Variants in LARP1B observed in about 807,000 individuals in gnomAD.
The protein encoded by LARP1B is La ribonucleoprotein 1B.
Under a neutral mutation model 114.2 loss-of-function variants are expected in LARP1B, and 76 were observed. The ratio of observed to expected loss-of-function variants is 0.67; its 90% CI spans 0.55 to 0.81. LARP1B has a LOEUF of 0.81. Ranked by LOEUF, LARP1B falls within the 30% of genes least tolerant of loss-of-function variation. LARP1B has a pLI of 0.00. For synonymous variants in LARP1B, 345 were observed against 348.0 expected (o/e 0.99, Z 0.10); for missense variants, 1,014 against 1,075.8 (o/e 0.94, Z 0.80).
chr4:128,127,198 G>T (rs747484956), intron 11 of LARP1B, among the ~76,000 whole-genome samples: 3 of 150,382 alleles, frequency 2.0e-5, no homozygotes, highest in Non-Finnish European at 4.4e-5. Flanking sequence ...TCTCATGAAA[G>T]AAAGTCCCAA....
At chr4:128,115,839 G>A (rs1396307335) in intron 10 of LARP1B, among the ~76,000 whole-genome samples, 2 of 151,956 alleles carry the variant, frequency 1.3e-5, no homozygotes, top group South Asian at 4.2e-4. Flanking sequence ...GTGTGTTTCT[G>A]GTAGAGACGG....
chr4:128,106,321 A>C (rs1207381569), intron 8 of LARP1B, among the ~76,000 whole-genome samples: 1 of 152,158 alleles, frequency 6.6e-6, no homozygotes, highest in African/African-American at 2.4e-5. Context: ...TGGCCCGGTT[A>C]ATGTTCTTAA....
chr4:128,186,491 T>G (rs1750410541), intron 15 of LARP1B, among the ~76,000 whole-genome samples: 1 of 152,206 alleles, frequency 6.6e-6, no homozygotes, highest in African/African-American at 2.4e-5. Flanking sequence ...TTTTTTTGTA[T>G]ATTGATTTTG....
chr4:128,150,909 C>T (rs1732509138), intron 11 of LARP1B, among the ~76,000 whole-genome samples: 1 of 152,172 alleles, frequency 6.6e-6, no homozygotes, highest in African/African-American at 2.4e-5. Flanking sequence ...GCTTAAGCTT[C>T]TTCTTTCTAG....
intron 11 of LARP1B, among the ~76,000 whole-genome samples, chr4:128,152,742 C>T (rs1043797297): frequency 1.2e-4 from 18 of 151,460 alleles, no homozygotes; most frequent in Non-Finnish European, 8.8e-5. Flanking sequence ...CCATTCTTGT[C>T]CTCATTCATT....
At chr4:128,118,775 G>A (rs1031307943) in intron 10 of LARP1B, among the ~76,000 whole-genome samples, 3 of 150,208 alleles carry the variant, frequency 2.0e-5, no homozygotes, top group Admixed American at 6.7e-5. Context: ...GCGATTTTTG[G>A]TTGATAGTTC....
chr4:128,166,013 A>G (rs144533768), intron 12 of LARP1B, among the ~76,000 whole-genome samples: 1 of 152,214 alleles, frequency 6.6e-6, no homozygotes, highest in East Asian at 1.9e-4. Flanking sequence ...ATGAGTATCA[A>G]ATTAATATGT....
chr4:128,087,902 CTTTT>C (rs902400108), intron 5 of LARP1B, among the ~76,000 whole-genome samples: 10 of 151,648 alleles, frequency 6.6e-5, no homozygotes, highest in African/African-American at 2.4e-4. Flanking sequence ...GAAAAATTGA[CTTTT>C]TTTCTATTGT....
intron 12 of LARP1B, among the ~76,000 whole-genome samples, chr4:128,168,294 A>T (rs945301142): frequency 2.6e-5 from 4 of 151,738 alleles, no homozygotes; most frequent in Admixed American, 6.6e-5. Context: ...TTTTTAAAAA[A>T]TTTTGCCCAT....
intron 11 of LARP1B, among the ~76,000 whole-genome samples, chr4:128,125,272 C>T (rs1789188171): frequency 6.6e-6 from 1 of 152,152 alleles, no homozygotes; most frequent in Non-Finnish European, 1.5e-5. Context: ...TTCCTTTTCC[C>T]ATTTAATTGG....
chr4:128,068,811 A>G (rs575334096), intron 1 of LARP1B, among the ~76,000 whole-genome samples: 1 of 152,084 alleles, frequency 6.6e-6, no homozygotes, highest in Admixed American at 6.6e-5. Flanking sequence ...GATAAAGCAA[A>G]GACAAAAAAG....
chr4:128,098,783 T>A lies in LARP1B; in HGVS notation c.813+453T>A, dbSNP rs1237838532. 6.4e-4 allele frequency among the ~76,000 whole-genome samples: 41 copies of A among 63,838 alleles called. 2 individuals are homozygous for A. Among genetic ancestry groups the A allele is most frequent in the Admixed American group, 1.7e-3 (10 of 5,810 alleles). The allele number at this position is 63,838 out of a possible 152,430, so 41.9% of individuals were successfully genotyped here. ...TATATATATATTTTTTTTTTTTTTT[T>A]TTTTTTTTTTTTAAGACAGTGTCTC... On this transcript the variant is annotated intron_variant, in intron 8 of 19. Coordinates refer to ENST00000326639, the MANE Select transcript of LARP1B (RefSeq NM_018078.4).
downstream of LARP1B, among the ~76,000 whole-genome samples, chr4:128,212,912 C>T (rs1440062047): frequency 2.4e-5 from 2 of 83,760 alleles, no homozygotes; most frequent in South Asian, 5.3e-4. Flanking sequence ...AAATCTCTCT[C>T]TTTTTTTTTT....
At position 128,122,656 on chromosome 4, in the gene LARP1B, A is replaced by G. The variant is rs571219154; in HGVS notation, c.1524+468A>G. 44 of 1,421,622 alleles carry G rather than the reference A, an allele frequency of 3.1e-5. No homozygotes were observed. In the South Asian group the frequency reaches 6.2e-4, roughly 20 times the overall value. The allele number at this position is 1,421,622 out of a possible 1,614,324, so 88.1% of individuals were successfully genotyped here. ...GTTTTCCCCACTTAGTCTATGGTGC[A>G]TGATCTAAGGTAGTGGAAATGGTTG... On this transcript the variant is annotated intron_variant, in intron 11 of 19. Coordinates refer to ENST00000326639, the MANE Select transcript of LARP1B (RefSeq NM_018078.4).
intron 11 of LARP1B, among the ~76,000 whole-genome samples, chr4:128,139,601 A>G (rs1464382529): frequency 1.3e-5 from 2 of 152,078 alleles, no homozygotes; most frequent in East Asian, 3.9e-4. Flanking sequence ...AAAACAAAAA[A>G]ACAGTATAAG....
intron 15 of LARP1B, among the ~76,000 whole-genome samples, chr4:128,193,647 G>A (rs796751385): frequency 6.6e-6 from 1 of 150,794 alleles, no homozygotes; most frequent in African/African-American, 2.4e-5. Context: ...ACAGAGTTTC[G>A]CTCTCGTTGC....
intron 1 of LARP1B, among the ~76,000 whole-genome samples, chr4:128,062,846 A>T (rs1355851225): frequency 6.6e-6 from 1 of 152,078 alleles, no homozygotes; most frequent in African/African-American, 2.4e-5. Flanking sequence ...GCACACCAAC[A>T]TGGCTGCACA....
chr4:128,061,043 T>G (rs1271487335), upstream of LARP1B, among the ~76,000 whole-genome samples: 2 of 152,078 alleles, frequency 1.3e-5, no homozygotes, highest in East Asian at 3.9e-4. Context: ...CACAGAGGCC[T>G]GGTGCGCGCT....
intron 13 of LARP1B, among the ~76,000 whole-genome samples, chr4:128,177,657 G>T (rs1048605895): frequency 6.6e-6 from 1 of 152,158 alleles, no homozygotes. Flanking sequence ...ATATTTAAGA[G>T]TTTGCACAAA....
Sources: allele counts gnomAD v4.1 joint callset (sites outside exome capture counted in the v4.1 genomes callset), GRCh38; gene constraint gnomAD v4.1.1; transcripts MANE v1.5; gene names NCBI Gene and HGNC (gene_info 2026-07-23, HGNC 2026-07-21).